Variants in SVEP1 observed in about 807,000 individuals in gnomAD.
SVEP1 encodes sushi, von Willebrand factor type A, EGF and pentraxin domain containing 1, also known as sushi, von Willebrand factor type A, EGF and pentraxin domain-containing protein 1.
In SVEP1, 164 loss-of-function variants were observed where a neutral mutation model predicts 367.3. That is an observed-to-expected ratio of 0.45 (90% confidence interval 0.39 to 0.51). SVEP1 has a LOEUF of 0.51. Among genes scored for constraint, SVEP1 ranks in the 20% least tolerant of loss-of-function variants. The pLI is 0.00. For missense variants in SVEP1, 4,117 were observed against 4,425.3 expected, an observed-to-expected ratio of 0.93 and a Z score of 1.98; for synonymous variants, 1,666 against 1,611.6, an observed-to-expected ratio of 1.03 and a Z score of -0.81.
intron 5 of SVEP1, among the ~76,000 whole-genome samples, chr9:110,510,717 C>T (rs955359219): frequency 6.6e-6 from 1 of 152,218 alleles, no homozygotes; most frequent in African/African-American, 2.4e-5. Flanking sequence ...TTTCTCACTC[C>T]TCTTTGGAAG....
chr9:110,396,616 A>AGAC (rs1827765349), intron 40 of SVEP1, among the ~76,000 whole-genome samples: 1 of 149,462 alleles, frequency 6.7e-6, no homozygotes, highest in East Asian at 2.0e-4. Flanking sequence ...ACTAATAAGA[A>AGAC]AAGAGAGAAG....
chr9:110,405,753 C>T (rs1374834010), intron 38 of SVEP1, among the ~76,000 whole-genome samples: 1 of 152,058 alleles, frequency 6.6e-6, no homozygotes, highest in African/African-American at 2.4e-5. Context: ...GGCCTGAATT[C>T]TTCAGTTTTT....
chr9:110,377,584 G>A (rs892446919), intron 44 of SVEP1, among the ~76,000 whole-genome samples: 10 of 152,112 alleles, frequency 6.6e-5, no homozygotes, highest in African/African-American at 2.2e-4. Flanking sequence ...TTATTGAGGT[G>A]CAACAAATAA....
intron 3 of SVEP1, among the ~76,000 whole-genome samples, chr9:110,514,406 A>G (rs1829769520): frequency 6.6e-6 from 1 of 151,916 alleles, no homozygotes; most frequent in South Asian, 2.1e-4. Flanking sequence ...CTAGCTAATC[A>G]GGAGGCCAAG....
rs1351706092 is a variant in SVEP1 at position 110,549,854 on chromosome 9, T to C, written c.782A>G (p.His261Arg). 1.2e-6 allele frequency: 2 copies of C among 1,613,738 alleles called. No homozygotes were observed. Among genetic ancestry groups the C allele is most frequent in the Non-Finnish European group, 1.7e-6 (2 of 1,179,760 alleles). The change falls in exon 2 of 48, where the codon CAT becomes CGT. Residue 261 changes from histidine (H) to arginine (R), a missense_variant. Coordinates refer to ENST00000374469, the MANE Select transcript of SVEP1 (RefSeq NM_153366.4). The part of the protein sequence containing the change: ...EFEALARRAL[H>R]EDLPSGSFIQ... ...TGCCATTAGGTTTCCATTACCTTCATGCAATGCCCGGCGAGCTAAAGCCTC... is the reference window on the plus strand; with the variant it reads ...TGCCATTAGGTTTCCATTACCTTCACGCAATGCCCGGCGAGCTAAAGCCTC...
In SVEP1 at chr9:110,473,266, A is replaced by G. The variant is rs375324277; in HGVS notation, c.2600-943T>C. On this transcript the variant is annotated intron_variant, in intron 14 of 47. Coordinates refer to ENST00000374469, the MANE Select transcript of SVEP1 (RefSeq NM_153366.4). Reference sequence around the variant, plus strand: ...ATTAATATCATCTTTTTACTTAAACATTTTCTCCACAAGCATTAAGTAGCT... The same window carrying G: ...ATTAATATCATCTTTTTACTTAAACGTTTTCTCCACAAGCATTAAGTAGCT... 1.1e-4 allele frequency among the ~76,000 whole-genome samples: 17 copies of G among 152,262 alleles called. No individual in the cohort carries two copies. In the East Asian group the frequency reaches 3.3e-3, roughly 29 times the overall value.
chr9:110,518,034 G>C (rs981668208), intron 3 of SVEP1, among the ~76,000 whole-genome samples: 1 of 152,134 alleles, frequency 6.6e-6, no homozygotes, highest in Non-Finnish European at 1.5e-5. Flanking sequence ...GTATTCATGA[G>C]AGAATTATCA....
At chr9:110,415,865 C>G (rs970724166) in intron 36 of SVEP1, among the ~76,000 whole-genome samples, 2 of 151,874 alleles carry the variant, frequency 1.3e-5, no homozygotes, top group Non-Finnish European at 2.9e-5. Context: ...TTGGATTAGA[C>G]AAAGAAGGGA....
intron 1 of SVEP1, among the ~76,000 whole-genome samples, chr9:110,552,173 A>G (rs1366747207): frequency 6.6e-6 from 1 of 151,836 alleles, no homozygotes; most frequent in Non-Finnish European, 1.5e-5. Flanking sequence ...CTGGGACTAC[A>G]GGCACATACC....
intron 40 of SVEP1, among the ~76,000 whole-genome samples, chr9:110,394,439 G>A (rs537592655): frequency 6.6e-6 from 1 of 152,176 alleles, no homozygotes; most frequent in Non-Finnish European, 1.5e-5. Context: ...CTAAAAATCA[G>A]AGCGCCTCTC....
At chr9:110,512,528 C>T (rs1218644430) in intron 5 of SVEP1, among the ~76,000 whole-genome samples, 1 of 152,166 alleles carries the variant, frequency 6.6e-6, no homozygotes, top group Non-Finnish European at 1.5e-5. Context: ...CTGGAGATTA[C>T]AAGTTGGCTA....
At chr9:110,500,699 C>T (rs1207909785) in intron 6 of SVEP1, among the ~76,000 whole-genome samples, 1 of 151,984 alleles carries the variant, frequency 6.6e-6, no homozygotes, top group Non-Finnish European at 1.5e-5. Context: ...TCAATTTTCC[C>T]CTATGATCAG....
At chr9:110,518,586 T>G (rs989924555) in intron 3 of SVEP1, among the ~76,000 whole-genome samples, 4 of 152,108 alleles carry the variant, frequency 2.6e-5, no homozygotes, top group Non-Finnish European at 5.9e-5. Context: ...AACAGGCACA[T>G]ACCACCATGC....
intron 37 of SVEP1, 46 bp from the exon 38 acceptor site, chr9:110,408,997 T>TGATAGCATTAACTAAATCCTTG: frequency 6.6e-7 from 1 of 1,512,808 alleles, no homozygotes; most frequent in South Asian, 1.3e-5. Context: ...GTATAACAGA[T>TGATAGCATTAACTAAATCCTTG]GATAGCATTA....
In SVEP1 at chr9:110,512,976, A is replaced by T; in HGVS notation, c.1253T>A (p.Ile418Asn). The change falls in exon 5 of 48, where the codon ATC becomes AAC. Residue 418 changes from isoleucine (I) to asparagine (N), a missense_variant. By Grantham distance (149) the Ile-to-Asn change is moderately radical. Around this residue, in one of 4 missense-constraint regions of SVEP1, gnomAD observed 2,174 missense variants for 2,494.3 expected, o/e 0.87. Coordinates refer to ENST00000374469, the MANE Select transcript of SVEP1 (RefSeq NM_153366.4). ...PGFDLVGSSIILCLPNGLWSG... is the reference protein window; with the variant it reads ...PGFDLVGSSINLCLPNGLWSG... ...CCACAAACCATTGGGTAGACATAAG[A>T]TGATGCTGCTTCCCACAAGATCAAA... 1 of 1,614,004 alleles carries T rather than the reference A, an allele frequency of 6.2e-7. No individual in the cohort carries two copies. Among genetic ancestry groups the T allele is most frequent in the Non-Finnish European group, 8.5e-7 (1 of 1,179,878 alleles).
chr9:110,525,291 T>A (rs1006852983), intron 3 of SVEP1, among the ~76,000 whole-genome samples: 1 of 152,070 alleles, frequency 6.6e-6, no homozygotes, highest in East Asian at 1.9e-4. Flanking sequence ...CAAACACAAA[T>A]CAATTGTTTC....
In SVEP1 at chr9:110,395,611, T is replaced by C. The variant is rs1175431316; in HGVS notation, c.9822+5243A>G. Reference sequence around the variant, plus strand: ...GTGTGCTATATTCAGGAAACCCATCTCACGTGCAGAGACACACATAGGCTC... The same window carrying C: ...GTGTGCTATATTCAGGAAACCCATCCCACGTGCAGAGACACACATAGGCTC... On this transcript the variant is annotated intron_variant, in intron 40 of 47. Coordinates refer to ENST00000374469, the MANE Select transcript of SVEP1 (RefSeq NM_153366.4). Among the ~76,000 whole-genome samples the C allele has an allele frequency of 2.6e-5, 4 of 152,032 alleles. No individual in the cohort carries two copies. The East Asian group carries it at 5.8e-4, about 22-fold the overall frequency.
intron 32 of SVEP1, 109 bp downstream of exon 32, chr9:110,431,806 C>T: frequency 7.2e-7 from 1 of 1,381,994 alleles, no homozygotes; most frequent in Non-Finnish European, 1.0e-6. Context: ...TACCTGTATG[C>T]CCTTTGAAGT....
rs756142826 is a variant in SVEP1, at chr9:110,499,145, T to C, written c.1577A>G (p.Tyr526Cys). The change falls in exon 7 of 48, where the codon TAT (tyrosine) becomes TGT (cysteine). Residue 526 changes from tyrosine (Y) to cysteine (C), a missense_variant. Around this residue, in one of 4 missense-constraint regions of SVEP1, gnomAD observed 2,174 missense variants for 2,494.3 expected, o/e 0.87. Coordinates refer to ENST00000374469, the MANE Select transcript of SVEP1 (RefSeq NM_153366.4). ...KQPAKFGTIC[Y>C]VSCRQGFILS... Reference sequence around the variant, plus strand: ...AATGAACCCTTGGCGGCAACTTACATAGCAGATCGTCCCAAATTTGGCTGG... The same window carrying C: ...AATGAACCCTTGGCGGCAACTTACACAGCAGATCGTCCCAAATTTGGCTGG... 2.0e-5 allele frequency: 33 copies of C among 1,613,658 alleles called. No homozygotes were observed. The Admixed American group carries it at 3.5e-4, about 17-fold the overall frequency.
Sources: gnomAD v4.1 joint callset for allele counts (sites outside exome capture counted in the v4.1 genomes callset) on GRCh38, gnomAD v4.1.1 for gene constraint, gnomAD v4.1.1 regional missense constraint, MANE v1.5 for transcripts, NCBI Gene and HGNC (gene_info 2026-07-23, HGNC 2026-07-21) for gene names.